Variants in DLGAP2 observed in about 807,000 individuals in gnomAD.
DLGAP2 encodes the protein disks large-associated protein 2.
Under a neutral mutation model 100.3 loss-of-function variants are expected in DLGAP2, and 26 were observed. The ratio of observed to expected loss-of-function variants is 0.26; its 90% CI spans 0.19 to 0.36. The LOEUF (loss-of-function observed/expected upper bound fraction) is 0.36. Ranked by LOEUF, DLGAP2 falls within the 10% of genes least tolerant of loss-of-function variation. The pLI, the probability that DLGAP2 is intolerant of heterozygous loss-of-function variation, is 1.00. For missense variants in DLGAP2, 1,858 were observed against 1,453.2 expected (o/e 1.28, Z -4.53); for synonymous variants, 886 against 630.1 (o/e 1.41, Z -6.08).
At chr8:1,653,659 CTG>C (rs1191777067) in intron 8 of DLGAP2, among the ~76,000 whole-genome samples, 2 of 67,532 alleles carry the variant, frequency 3.0e-5, no homozygotes, top group East Asian at 9.7e-4. Context: ...GGGTGGATTC[CTG>C]TATTTGCTTG....
chr8:1,330,213 A>G (rs1801117084), intron 3 of DLGAP2, among the ~76,000 whole-genome samples: 1 of 147,254 alleles, frequency 6.8e-6, no homozygotes, highest in South Asian at 2.1e-4. Context: ...GGGTGAGAGC[A>G]CTACTTCACA....
At chr8:774,832 G>T (rs1424008543) in intron 1 of DLGAP2, among the ~76,000 whole-genome samples, 1 of 146,254 alleles carries the variant, frequency 6.8e-6, no homozygotes, top group Admixed American at 6.9e-5. Context: ...GGCGATGCGG[G>T]CTCTTTTTTG....
intron 2 of DLGAP2, among the ~76,000 whole-genome samples, chr8:1,007,133 G>A (rs1801139503): frequency 1.3e-5 from 2 of 151,900 alleles, no homozygotes; most frequent in African/African-American, 4.8e-5. Context: ...TCAGGATATG[G>A]TCCTTTATCA....
chr8:1,466,054 T>C (rs1274741950), intron 3 of DLGAP2, among the ~76,000 whole-genome samples: 1 of 152,164 alleles, frequency 6.6e-6, no homozygotes, highest in Non-Finnish European at 1.5e-5. Flanking sequence ...GTTGCATCCA[T>C]CGTGACAGCG....
intron 2 of DLGAP2, among the ~76,000 whole-genome samples, chr8:1,118,258 C>CT (rs1388609645): frequency 2.0e-5 from 3 of 152,208 alleles, no homozygotes; most frequent in Non-Finnish European, 4.4e-5. Context: ...CTCGGGGGAA[C>CT]TTCTTCAGCT....
intron 4 of DLGAP2, among the ~76,000 whole-genome samples, chr8:1,512,511 C>T (rs1800201612): frequency 6.6e-6 from 1 of 152,094 alleles, no homozygotes. Flanking sequence ...AATCACAGCC[C>T]AGAAGACCCT....
At chr8:1,133,173 T>G (rs1189311467) in intron 2 of DLGAP2, among the ~76,000 whole-genome samples, 1 of 152,228 alleles carries the variant, frequency 6.6e-6, no homozygotes, top group Non-Finnish European at 1.5e-5. Context: ...GATTACCTTC[T>G]TAACAAGCTA....
chr8:971,206 C>G (rs1317615201), intron 2 of DLGAP2, among the ~76,000 whole-genome samples: 2 of 152,158 alleles, frequency 1.3e-5, no homozygotes, highest in Non-Finnish European at 2.9e-5. Context: ...TATCAAATAC[C>G]TGTATGTATC....
At chr8:1,172,712 C>T (rs554853084) in intron 2 of DLGAP2, among the ~76,000 whole-genome samples, 51 of 152,276 alleles carry the variant, frequency 3.3e-4, no homozygotes, top group African/African-American at 9.6e-4. Flanking sequence ...ACATAGTTCC[C>T]GAGCCTTGGC....
chr8:1,176,529 C>T (rs543270777), intron 2 of DLGAP2, among the ~76,000 whole-genome samples: 16 of 152,198 alleles, frequency 1.1e-4, no homozygotes, highest in South Asian at 2.1e-4. Flanking sequence ...CCCTCACAGC[C>T]GCCCTGTGAA....
At chr8:828,320 G>A (rs1282159966) in intron 1 of DLGAP2, among the ~76,000 whole-genome samples, 6 of 152,116 alleles carry the variant, frequency 3.9e-5, no homozygotes, top group African/African-American at 1.4e-4. Flanking sequence ...AGACAGGTAC[G>A]CCCCGGGGGG....
At chr8:1,465,723 C>T (rs976403820) in intron 3 of DLGAP2, among the ~76,000 whole-genome samples, 20 of 152,220 alleles carry the variant, frequency 1.3e-4, no homozygotes, top group Non-Finnish European at 2.8e-4. Flanking sequence ...TGGAGAAAGT[C>T]GCTGCGCTCT....
At chr8:1,181,830 C>T (rs189238664) in intron 2 of DLGAP2, among the ~76,000 whole-genome samples, 2 of 152,176 alleles carry the variant, frequency 1.3e-5, no homozygotes, top group Admixed American at 6.5e-5. Context: ...CTATGAGTGA[C>T]AGGTACCACC....
intron 2 of DLGAP2, among the ~76,000 whole-genome samples, chr8:1,219,986 A>G (rs1215412467): frequency 6.6e-6 from 1 of 150,994 alleles, no homozygotes; most frequent in Non-Finnish European, 1.5e-5. Flanking sequence ...GATTGTGTTT[A>G]TTTGGATCTT....
At chr8:902,488 A>C (rs1798273286) in intron 1 of DLGAP2, among the ~76,000 whole-genome samples, 1 of 146,948 alleles carries the variant, frequency 6.8e-6, no homozygotes, top group African/African-American at 2.5e-5. Flanking sequence ...CGTGAGTCAC[A>C]GAGGCGCTGG....
chr8:1,411,138 C>T (rs1796719235), intron 3 of DLGAP2, among the ~76,000 whole-genome samples: 1 of 152,170 alleles, frequency 6.6e-6, no homozygotes, highest in Non-Finnish European at 1.5e-5. Context: ...GGAAACCCAA[C>T]ATCTCCTAAT....
chr8:796,863 T>C (rs768377053), intron 1 of DLGAP2, among the ~76,000 whole-genome samples: 1 of 152,068 alleles, frequency 6.6e-6, no homozygotes, highest in Non-Finnish European at 1.5e-5. Flanking sequence ...TCCTTTCCCT[T>C]AGTGCAGCCC....
intron 3 of DLGAP2, among the ~76,000 whole-genome samples, chr8:1,305,149 C>G (rs1026531207): frequency 1.3e-5 from 2 of 152,222 alleles, no homozygotes; most frequent in Non-Finnish European, 2.9e-5. Context: ...TGCTCTGTCA[C>G]TTCCCATTCA....
intron 1 of DLGAP2, among the ~76,000 whole-genome samples, chr8:745,982 C>T (rs879259962): frequency 6.6e-6 from 1 of 152,222 alleles, no homozygotes; most frequent in Non-Finnish European, 1.5e-5. Flanking sequence ...CCACCCCTCA[C>T]GGCCTGCTCA....
Sources: allele counts gnomAD v4.1 joint callset (sites outside exome capture counted in the v4.1 genomes callset), GRCh38; gene constraint gnomAD v4.1.1; transcripts MANE v1.5; gene names NCBI Gene and HGNC (gene_info 2026-07-23, HGNC 2026-07-21).